ANKFN1: variants seen among roughly 807,000 people sequenced by gnomAD.
ANKFN1 encodes the protein ankyrin repeat and fibronectin type-III domain-containing protein 1.
A neutral mutation model predicts 108.7 loss-of-function variants in ANKFN1; 74 were observed. The ratio of observed to expected loss-of-function variants is 0.68; its 90% confidence interval spans 0.56 to 0.83. The LOEUF is 0.83. Ranked by LOEUF, ANKFN1 falls within the 40% of genes least tolerant of loss-of-function variation. ANKFN1 has a pLI of 0.00. For synonymous variants in ANKFN1, 547 were observed against 516.2 expected, an observed-to-expected ratio of 1.06 and a Z score of -0.81; for missense variants, 1,505 against 1,382.3, an observed-to-expected ratio of 1.09 and a Z score of -1.41.
rs1034054431 is a variant in ANKFN1, at chr17:56,418,073, C to T, written c.911-22254C>T. ...AATAGAAATCGTTTGGCAAAACTTC[C>T]CCAGGACTTTTAAGTACATTTATTT... On this transcript the variant is annotated intron_variant, in intron 8 of 20. Coordinates refer to ENST00000682825, the MANE Select transcript of ANKFN1 (RefSeq NM_001370326.1). Among the ~76,000 whole-genome samples, 6 of 152,190 alleles carry T rather than the reference C, an allele frequency of 3.9e-5. No homozygotes were observed. The East Asian group carries it at 1.2e-3, about 29-fold the overall frequency.
intron 4 of ANKFN1, among the ~76,000 whole-genome samples, chr17:56,130,397 C>T (rs1183008920): frequency 6.6e-6 from 1 of 151,738 alleles, no homozygotes; most frequent in Non-Finnish European, 1.5e-5. Flanking sequence ...CAAATAGGTC[C>T]ATTTAAATAT....
intron 1 of ANKFN1, among the ~76,000 whole-genome samples, chr17:56,157,984 C>T (rs547195356): frequency 6.6e-6 from 1 of 152,324 alleles, no homozygotes; most frequent in African/African-American, 2.4e-5. Flanking sequence ...TCATAACTTT[C>T]CAGCCAGCCT....
At chr17:56,116,174 T>G (rs1906256290) in intron 4 of ANKFN1, among the ~76,000 whole-genome samples, 1 of 152,196 alleles carries the variant, frequency 6.6e-6, no homozygotes, top group Admixed American at 6.5e-5. Flanking sequence ...TACTGAATGC[T>G]AGATTGCATT....
chr17:56,183,247 A>G (rs1212314929), intron 1 of ANKFN1, among the ~76,000 whole-genome samples: 2 of 152,174 alleles, frequency 1.3e-5, no homozygotes, highest in South Asian at 2.1e-4. Context: ...AGCGATTCCT[A>G]TGATGGATCC....
chr17:56,062,408 G>C (rs1016416049), intron 4 of ANKFN1, among the ~76,000 whole-genome samples: 1 of 152,042 alleles, frequency 6.6e-6, no homozygotes, highest in African/African-American at 2.4e-5. Context: ...TATGACTCTG[G>C]GTGCTCCTGT....
At position 56,510,937 on chromosome 17, in the gene ANKFN1, C is replaced by T. The variant is rs1239319542; in HGVS notation, c.3109C>T (p.His1037Tyr). The T allele has an allele frequency of 6.5e-7, 1 of 1,536,170 alleles. No individual in the cohort carries two copies. The highest frequency in any genetic ancestry group is 2.0e-5 in the Admixed American group (1 of 51,014). Reference protein sequence around the residue: ...LSLSEGIYTQHLSQACGLAQE... With the variant: ...LSLSEGIYTQYLSQACGLAQE... ...GCTCTCTGAGGGCATTTATACACAG[C>T]ACCTGTCCCAGGCCTGTGGTCTGGC... The change falls in exon 21 of 21, where the codon CAC (histidine) becomes TAC (tyrosine). Residue 1037 changes from histidine (H) to tyrosine (Y), a missense_variant. Coordinates refer to ENST00000682825, the MANE Select transcript of ANKFN1 (RefSeq NM_001370326.1).
rs115316629 is a variant in ANKFN1, at chr17:56,294,664, A to C, written c.54-31557A>C. ...ACAAAGAATTGTTCAAACTGGAACA[A>C]GGGTCTGACCTGCTTGTTTGTGTCA... is the stretch of plus-strand genomic sequence containing the variant. On this transcript the variant is annotated intron_variant, in intron 3 of 20. Transcript: ENST00000682825. Among the ~76,000 whole-genome samples the C allele has an allele frequency of 5.7e-3, 864 of 152,340 alleles. 7 individuals are homozygous for C. The highest frequency in any genetic ancestry group is 0.02 in the African/African-American group (826 of 41,576).
chr17:56,123,300 G>A (rs1337457911), intron 4 of ANKFN1, among the ~76,000 whole-genome samples: 1 of 152,224 alleles, frequency 6.6e-6, no homozygotes, highest in East Asian at 1.9e-4. Context: ...CTCTGAGAAT[G>A]CAGAACAGCT....
At chr17:56,333,861 G>A (rs1412353815) in intron 4 of ANKFN1, among the ~76,000 whole-genome samples, 3 of 152,124 alleles carry the variant, frequency 2.0e-5, no homozygotes, top group South Asian at 2.1e-4. Context: ...ATAAAAGGTG[G>A]TCTCCTAGCT....
chr17:56,184,176 A>G (rs1188345703), intron 1 of ANKFN1, among the ~76,000 whole-genome samples: 1 of 152,206 alleles, frequency 6.6e-6, no homozygotes, highest in Non-Finnish European at 1.5e-5. Flanking sequence ...CATTTTGTAG[A>G]AAGAAATATT....
chr17:56,467,798 G>GAA (rs377184903), intron 15 of ANKFN1, among the ~76,000 whole-genome samples: 810 of 30,832 alleles, frequency 0.026, 30 homozygotes, highest in African/African-American at 0.056. Flanking sequence ...AAAGAAGAAA[G>GAA]AAAGAAAGAA....
At chr17:56,411,039 C>T (rs1355484023) in intron 8 of ANKFN1, among the ~76,000 whole-genome samples, 3 of 152,060 alleles carry the variant, frequency 2.0e-5, no homozygotes, top group African/African-American at 7.2e-5. Flanking sequence ...TCTGTTTCTA[C>T]CAAAAAATGA....
At chr17:56,366,339 G>A (rs2046660946) in intron 6 of ANKFN1, among the ~76,000 whole-genome samples, 3 of 152,264 alleles carry the variant, frequency 2.0e-5, no homozygotes, top group African/African-American at 7.2e-5. Flanking sequence ...CAGAAAAATT[G>A]TCAGAAGGAG....
intron 3 of ANKFN1, among the ~76,000 whole-genome samples, chr17:56,313,078 G>A (rs574584565): frequency 1.7e-4 from 26 of 151,920 alleles, no homozygotes; most frequent in African/African-American, 6.0e-4. Flanking sequence ...TGCTTGAAGC[G>A]GGGAGGCGAG....
chr17:56,406,573 C>G (rs776537047), intron 8 of ANKFN1, among the ~76,000 whole-genome samples: 5 of 152,162 alleles, frequency 3.3e-5, no homozygotes, highest in Non-Finnish European at 5.9e-5. Flanking sequence ...CATAAACCCT[C>G]TCTCTTTCAG....
Position 56,235,757 on chromosome 17 carries a change from C to A in ANKFN1, c.53+7800C>A, listed in dbSNP as rs149382519. Among the ~76,000 whole-genome samples, 218 of 152,210 alleles carry A rather than the reference C, an allele frequency of 1.4e-3. 1 individual carries two copies. Among genetic ancestry groups the A allele is most frequent in the African/African-American group, 5.0e-3 (207 of 41,532 alleles). On this transcript the variant is annotated intron_variant, in intron 3 of 20. Coordinates refer to ENST00000682825, the MANE Select transcript of ANKFN1 (RefSeq NM_001370326.1). ...TACCATGCTATTTTGGTTACCGCAG[C>A]CCTGTATTATAGTTTGAAGTTGGCT...
At chr17:56,223,602 C>T (rs763460934) in intron 2 of ANKFN1, among the ~76,000 whole-genome samples, 1 of 151,880 alleles carries the variant, frequency 6.6e-6, no homozygotes, top group African/African-American at 2.4e-5. Flanking sequence ...CGAGTGAGGC[C>T]AAGGGATTAA....
intron 15 of ANKFN1, chr17:56,471,522 A>T (rs1389101980): frequency 6.6e-6 from 1 of 152,116 alleles, no homozygotes; most frequent in Non-Finnish European, 1.5e-5. Context: ...AATCAGAAAG[A>T]TTGCTGGAAA....
At chr17:56,403,352 G>A (rs1012753877) in intron 8 of ANKFN1, among the ~76,000 whole-genome samples, 5 of 152,086 alleles carry the variant, frequency 3.3e-5, no homozygotes, top group African/African-American at 4.8e-5. Context: ...AGGTCTATTA[G>A]TAATTGTTTT....
Sources: allele counts gnomAD v4.1 joint callset (sites outside exome capture counted in the v4.1 genomes callset), GRCh38; gene constraint gnomAD v4.1.1; transcripts MANE v1.5; gene names NCBI Gene and HGNC (gene_info 2026-07-23, HGNC 2026-07-21).